The following NEBL variants were observed in gnomAD, a reference collection of about 807,000 sequenced individuals.
NEBL encodes LIM and SH3 protein 2.
In NEBL, 122 loss-of-function variants were observed where a neutral mutation model predicts 140.2. The observed-to-expected ratio is 0.87, with a 90% CI of 0.75 to 1.01. NEBL has a LOEUF of 1.01. Among genes scored for constraint, NEBL ranks in the 50% least tolerant of loss-of-function variants. The probability of loss-of-function intolerance (pLI) is 0.00; values close to 1 mark genes in which losing one functional copy is unlikely to be tolerated. For missense variants in NEBL, 1,365 were observed against 1,231.3 expected, an observed-to-expected ratio of 1.11 and a Z score of -1.62; for synonymous variants, 436 against 398.9, an observed-to-expected ratio of 1.09 and a Z score of -1.11.
At chr10:20,814,769 T>C (rs1306766213) in intron 22 of NEBL, among the ~76,000 whole-genome samples, 1 of 152,240 alleles carries the variant, frequency 6.6e-6, no homozygotes, top group Non-Finnish European at 1.5e-5. Flanking sequence ...AGCTACTCTA[T>C]TTCTTTTTAT....
At chr10:21,098,218 ACT>A (rs1837290686) in intron 2 of NEBL, among the ~76,000 whole-genome samples, 1 of 55,130 alleles carries the variant, frequency 1.8e-5, no homozygotes, top group Non-Finnish European at 8.7e-5. Context: ...ACACATTCTC[ACT>A]CACACGTGCA....
intron 2 of NEBL, chr10:21,030,754 G>T: frequency 2.3e-6 from 1 of 427,842 alleles, no homozygotes; most frequent in South Asian, 2.0e-5. Flanking sequence ...TAGGAAAGAT[G>T]GCAAAAAGGA....
Position 21,146,456 on chromosome 10 carries a change from A to C in NEBL, c.164+25927T>G, listed in dbSNP as rs763871510. 6.2e-6 allele frequency: 10 copies of C among 1,613,836 alleles called. No homozygotes were observed. The Admixed American group carries it at 1.5e-4, about 24-fold the overall frequency. On this transcript the variant is annotated intron_variant, in intron 2 of 6. Transcript: ENST00000417816. ...TAGAGGACAGCCAATATCTTCAGAA[A>C]TTTCAGGTGCCATGCTTTCCATAGA...
chr10:21,008,814 A>G (rs1004685400), intron 3 of NEBL, among the ~76,000 whole-genome samples: 1 of 152,128 alleles, frequency 6.6e-6, no homozygotes, highest in Non-Finnish European at 1.5e-5. Context: ...CAGTTTTCAG[A>G]CATCCACTAG....
intron 4 of NEBL, among the ~76,000 whole-genome samples, chr10:20,941,934 A>G (rs969487172): frequency 2.0e-5 from 3 of 152,100 alleles, no homozygotes; most frequent in African/African-American, 7.2e-5. Flanking sequence ...CAATGAAATA[A>G]AAGAGGATAC....
chr10:21,157,343 G>A (rs936900920), intron 2 of NEBL, among the ~76,000 whole-genome samples: 1 of 152,142 alleles, frequency 6.6e-6, no homozygotes. Flanking sequence ...GCCGAGGTGG[G>A]TGGATCACGT....
chr10:21,105,361 A>G (rs976700403), intron 2 of NEBL, among the ~76,000 whole-genome samples: 12 of 150,932 alleles, frequency 8.0e-5, no homozygotes, highest in Non-Finnish European at 1.5e-4. Context: ...GACAGGCCCC[A>G]GTGTGTGATG....
chr10:20,780,648 C>T lies in NEBL; in HGVS notation c.*5099G>A, dbSNP rs923940217. 1 of 152,042 alleles carries T rather than the reference C, an allele frequency of 6.6e-6. No individual in the cohort carries two copies. Among genetic ancestry groups the T allele is most frequent in the African/African-American group, 2.4e-5 (1 of 41,422 alleles). The allele number at this position is 152,042 out of a possible 1,614,324, so 9.4% of individuals were successfully genotyped here. A position where few individuals can be genotyped will look rare whatever the true frequency, so the allele number is the denominator to read the frequency against. On this transcript the variant is annotated 3_prime_UTR_variant, in exon 28 of 28. Transcript: ENST00000377122. ...AAGAAGTGAACCATTTTTTTTATAT[C>T]CTGCATTTATTTAAGCAAACCAAAT...
intron 9 of NEBL, among the ~76,000 whole-genome samples, chr10:20,855,621 G>A (rs879591669): frequency 1.3e-5 from 2 of 151,892 alleles, no homozygotes; most frequent in Non-Finnish European, 2.9e-5. Context: ...CTACCTCCTA[G>A]TGGGAGATAC....
intron 19 of NEBL, among the ~76,000 whole-genome samples, chr10:20,820,431 C>T (rs148147399): frequency 4.9e-4 from 74 of 152,312 alleles, no homozygotes; most frequent in African/African-American, 1.7e-3. Context: ...TTAGAAGAAA[C>T]TTCACAGGGA....
chr10:21,028,815 A>G (rs1338157589), intron 2 of NEBL, among the ~76,000 whole-genome samples: 1 of 152,196 alleles, frequency 6.6e-6, no homozygotes, highest in African/African-American at 2.4e-5. Flanking sequence ...GCATAGAATA[A>G]ACAGGACAAA....
intron 2 of NEBL, among the ~76,000 whole-genome samples, chr10:20,893,167 T>A (rs748907752): frequency 2.0e-5 from 3 of 152,200 alleles, no homozygotes; most frequent in Admixed American, 6.5e-5. Flanking sequence ...TCTTTCTGCC[T>A]AATCTACAAG....
At chr10:21,229,370 G>A (rs1053667142) in intron 3 of NEBL, among the ~76,000 whole-genome samples, 18 of 152,192 alleles carry the variant, frequency 1.2e-4, no homozygotes, top group African/African-American at 3.9e-4. Context: ...GCAATGAGCC[G>A]TGATCATGCC....
At chr10:21,237,754 A>G (rs1294853526) in intron 3 of NEBL, among the ~76,000 whole-genome samples, 6 of 151,900 alleles carry the variant, frequency 3.9e-5, no homozygotes, top group South Asian at 2.1e-4. Flanking sequence ...CTACAGGTGT[A>G]TGCCACCAAG....
At chr10:21,160,497 A>G (rs1446382804) in intron 2 of NEBL, among the ~76,000 whole-genome samples, 1 of 152,202 alleles carries the variant, frequency 6.6e-6, no homozygotes, top group Non-Finnish European at 1.5e-5. Flanking sequence ...TATTCCTGAT[A>G]GGAATAACCC....
intron 2 of NEBL, among the ~76,000 whole-genome samples, chr10:21,092,008 C>T (rs1202839306): frequency 6.6e-6 from 1 of 152,194 alleles, no homozygotes; most frequent in Non-Finnish European, 1.5e-5. Flanking sequence ...AACCCTATAA[C>T]ATATCTTTTT....
intron 11 of NEBL, among the ~76,000 whole-genome samples, chr10:20,846,687 G>T (rs12257507): frequency 2.0e-5 from 3 of 151,928 alleles, no homozygotes; most frequent in Non-Finnish European, 4.4e-5. Flanking sequence ...GGCTAAAAAG[G>T]ACTCTTTAAA....
At chr10:21,226,806 T>C (rs1157051717) in intron 3 of NEBL, among the ~76,000 whole-genome samples, 1 of 152,176 alleles carries the variant, frequency 6.6e-6, no homozygotes, top group Non-Finnish European at 1.5e-5. Flanking sequence ...TCAGTGCCTG[T>C]TTTGGTGATA....
chr10:21,198,108 G>T (rs1841680635), intron 3 of NEBL, among the ~76,000 whole-genome samples: 1 of 152,052 alleles, frequency 6.6e-6, no homozygotes, highest in Non-Finnish European at 1.5e-5. Flanking sequence ...AACGTCTGTA[G>T]CATCATACCT....
Sources: allele counts gnomAD v4.1 joint callset (sites outside exome capture counted in the v4.1 genomes callset), GRCh38; gene constraint gnomAD v4.1.1; transcripts MANE v1.5; gene names NCBI Gene and HGNC (gene_info 2026-07-23, HGNC 2026-07-21).